The following PPP4R1 variants were observed in gnomAD, a reference collection of about 807,000 sequenced individuals.
PPP4R1 encodes protein phosphatase 4 regulatory subunit 1, also known as serine/threonine-protein phosphatase 4 regulatory subunit 1.
In PPP4R1, 42 loss-of-function variants were observed where a neutral mutation model predicts 111.2. That is an observed-to-expected ratio of 0.38 (90% CI 0.29 to 0.49). The LOEUF is 0.49. PPP4R1 is among the 20% of genes least tolerant of loss of function. The pLI, the probability that PPP4R1 is intolerant of heterozygous loss-of-function variation, is 0.97. For synonymous variants in PPP4R1, 409 were observed against 405.5 expected (o/e 1.01, Z -0.10); for missense variants, 1,012 against 1,161.6 (o/e 0.87, Z 1.87).
intron 9 of PPP4R1, among the ~76,000 whole-genome samples, chr18:9,579,679 G>T (rs1347011684): frequency 6.6e-6 from 1 of 152,182 alleles, no homozygotes; most frequent in Non-Finnish European, 1.5e-5. Context: ...GGTTGTGTCT[G>T]TATTGAACAA....
At chr18:9,594,377 TACA>T (rs965820748) in intron 3 of PPP4R1, 1 of 152,422 alleles carries the variant, frequency 6.6e-6, no homozygotes, top group Non-Finnish European at 1.5e-5. Context: ...ACTGAATATT[TACA>T]ACATTTTTTT....
chr18:9,594,905 C>T, intron 3 of PPP4R1, 113 bp downstream of exon 3: 1 of 1,274,066 alleles, frequency 7.8e-7, no homozygotes, highest in Non-Finnish European at 1.1e-6. Context: ...CTTGGTGACT[C>T]AGATTGTGCC....
At chr18:9,586,517 T>C (rs1009288514) in intron 6 of PPP4R1, among the ~76,000 whole-genome samples, 2 of 152,304 alleles carry the variant, frequency 1.3e-5, no homozygotes, top group Middle Eastern at 3.4e-3. Context: ...TTTTATGTCA[T>C]GTAAGGTTCA....
Position 9,549,394 on chromosome 18 carries a change from A to G in PPP4R1, c.2548-56T>C. ...CTCTGTCAATGTAGCCAAAAACTCG[A>G]CTACTGGCTAACAAAATCTCTGAGT... On this transcript the variant is annotated intron_variant, in intron 18 of 19. Transcript: ENST00000400556. 1.9e-6 allele frequency: 3 copies of G among 1,546,912 alleles called. No homozygotes were observed. In the South Asian group the frequency reaches 3.5e-5, roughly 18 times the overall value.
At chr18:9,560,568 C>T (rs890635643) in intron 13 of PPP4R1, among the ~76,000 whole-genome samples, 2 of 151,958 alleles carry the variant, frequency 1.3e-5, no homozygotes, top group African/African-American at 4.8e-5. Context: ...AACGAATTAT[C>T]CATATACACA....
chr18:9,564,737 T>TGTGTGTGTGTGTGG (rs1475596391), intron 11 of PPP4R1, among the ~76,000 whole-genome samples: 23 of 68,014 alleles, frequency 3.4e-4, no homozygotes, highest in East Asian at 2.4e-3. Flanking sequence ...TGTGTGTGTG[T>TGTGTGTGTGTGTGG]GGGGGTATCA....
upstream of PPP4R1, among the ~76,000 whole-genome samples, chr18:9,616,077 C>G (rs773442310): frequency 2.0e-5 from 3 of 152,088 alleles, no homozygotes; most frequent in Non-Finnish European, 2.9e-5. Flanking sequence ...GGTGAATGCC[C>G]TTATGTGAAT....
At chr18:9,591,069 C>T (rs2145233137) in intron 4 of PPP4R1, among the ~76,000 whole-genome samples, 1 of 152,004 alleles carries the variant, frequency 6.6e-6, no homozygotes, top group Middle Eastern at 3.4e-3. Context: ...AAGAAGAAGC[C>T]AGGCATGGTG....
rs539699736 is a variant in PPP4R1 at position 9,610,705 on chromosome 18, C to G, written c.52+3521G>C. On this transcript the variant is annotated intron_variant, in intron 2 of 19. Transcript: ENST00000400556. Reference sequence around the variant, plus strand: ...CGATCTCCTGACCTCGTGATCCGCCCACCTCGGCCTCCCAAAGTGCTGGGA... The same window carrying G: ...CGATCTCCTGACCTCGTGATCCGCCGACCTCGGCCTCCCAAAGTGCTGGGA... Among the ~76,000 whole-genome samples the G allele has an allele frequency of 3.3e-5, 5 of 152,216 alleles. No homozygotes were observed. In the South Asian group the frequency reaches 1.0e-3, roughly 32 times the overall value.
intron 9 of PPP4R1, among the ~76,000 whole-genome samples, chr18:9,580,468 G>A (rs557506306): frequency 1.3e-3 from 204 of 151,882 alleles, no homozygotes; most frequent in African/African-American, 4.8e-3. Flanking sequence ...TCCTGCCTCA[G>A]CCTCCTGAGT....
intron 16 of PPP4R1, chr18:9,550,657 G>C: frequency 2.4e-6 from 1 of 423,918 alleles, no homozygotes. Context: ...TGGGGACTGA[G>C]ACAGAGCAAA....
chr18:9,602,367 T>TAAA (rs11324056), intron 2 of PPP4R1, among the ~76,000 whole-genome samples: 1 of 45,140 alleles, frequency 2.2e-5, no homozygotes, highest in Non-Finnish European at 3.8e-5. Context: ...CCATCTCTAC[T>TAAA]AAAAAAAAAA....
At chr18:9,575,279 G>A (rs1482949080) in intron 10 of PPP4R1, among the ~76,000 whole-genome samples, 1 of 152,170 alleles carries the variant, frequency 6.6e-6, no homozygotes, top group Admixed American at 6.5e-5. Flanking sequence ...CATAGGAGGT[G>A]CTCAGTTAAC....
rs1247860183 is a variant in PPP4R1 at position 9,583,103 on chromosome 18, A to G, written c.918+14T>C. ...AAATGTATTATTTTACAAAAGTGAT[A>G]ATCAAAACCCTACCCAACGTGAAGG... On this transcript the variant is annotated intron_variant, in intron 9 of 19. Coordinates refer to ENST00000400556, the MANE Select transcript of PPP4R1 (RefSeq NM_001042388.3). The G allele has an allele frequency of 3.8e-6, 6 of 1,588,202 alleles. No individual in the cohort carries two copies. The highest frequency in any genetic ancestry group is 1.1e-5 in the South Asian group (1 of 87,910).
chr18:9,584,826 T>C lies in PPP4R1; in HGVS notation c.588A>G (p.Ile196Met), dbSNP rs772450343. The change falls in exon 7 of 20, where the codon ATA becomes ATG. Residue 196 changes from isoleucine (I) to methionine (M), a missense_variant and splice_region_variant. By Grantham distance (10) the Ile-to-Met change is conservative. Around this residue, in one of 2 missense-constraint regions of PPP4R1, gnomAD observed 707 missense variants for 742.1 expected, o/e 0.95. Transcript: ENST00000400556. Reference sequence around the variant, plus strand: ...CAACCATGGGAGCCATTTTGCACATTATCTAAAATAAGTAAGAACAAACAC... The same window carrying C: ...CAACCATGGGAGCCATTTTGCACATCATCTAAAATAAGTAAGAACAAACAC... ...NDDVKTEAVAIMCKMAPMVGK... is the reference protein window; with the variant it reads ...NDDVKTEAVAMMCKMAPMVGK... 1 of 1,604,458 alleles carries C rather than the reference T, an allele frequency of 6.2e-7. No homozygotes were observed. Among genetic ancestry groups the C allele is most frequent in the East Asian group, 2.2e-5 (1 of 44,726 alleles).
rs111970244 is a variant in PPP4R1, at chr18:9,601,642, G to A, written c.53-6489C>T. On this transcript the variant is annotated intron_variant, in intron 2 of 19. Coordinates refer to ENST00000400556, the MANE Select transcript of PPP4R1 (RefSeq NM_001042388.3). ...TGAGCAGCTGGAATTACAGGCAGGC[G>A]CCACAACACCTGGCTAATTTTTGTA... Among the ~76,000 whole-genome samples the A allele has an allele frequency of 1.9e-3, 286 of 152,232 alleles. 1 individual carries two copies. Among genetic ancestry groups the A allele is most frequent in the African/African-American group, 6.3e-3 (263 of 41,558 alleles).
chr18:9,564,737 T>TGTGTGTGTGTGTGTGTGG (rs1475596391), intron 11 of PPP4R1, among the ~76,000 whole-genome samples: 1 of 67,982 alleles, frequency 1.5e-5, no homozygotes, highest in East Asian at 2.4e-4. Flanking sequence ...TGTGTGTGTG[T>TGTGTGTGTGTGTGTGTGG]GGGGGTATCA....
At chr18:9,569,853 C>T (rs1419577837) in intron 11 of PPP4R1, among the ~76,000 whole-genome samples, 5 of 152,122 alleles carry the variant, frequency 3.3e-5, no homozygotes, top group South Asian at 2.1e-4. Flanking sequence ...TAAGCTCAAA[C>T]GATCTCCCAC....
rs2066448587 is a variant in PPP4R1 at position 9,549,178 on chromosome 18, T to C, written c.2689+19A>G. The C allele has an allele frequency of 6.2e-7, 1 of 1,607,914 alleles. No homozygotes were observed. The highest frequency in any genetic ancestry group is 8.5e-7 in the Non-Finnish European group (1 of 1,174,672). On this transcript the variant is annotated intron_variant, in intron 19 of 19. Coordinates refer to ENST00000400556, the MANE Select transcript of PPP4R1 (RefSeq NM_001042388.3). ...TCCTTCTCTACTCACACGCTTCTTC[T>C]AGTGGAGTCACTACCTACCTTTTTC...
Sources: gnomAD v4.1 joint callset for allele counts (sites outside exome capture counted in the v4.1 genomes callset) on GRCh38, gnomAD v4.1.1 for gene constraint, gnomAD v4.1.1 regional missense constraint, MANE v1.5 for transcripts, NCBI Gene and HGNC (gene_info 2026-07-23, HGNC 2026-07-21) for gene names.